Variants in L3MBTL4 observed in about 807,000 individuals in gnomAD.
L3MBTL4 encodes the protein lethal(3)malignant brain tumor-like protein 4.
L3MBTL4 carries 70 observed loss-of-function variants against 84.5 expected under a neutral mutation model. The ratio of observed to expected loss-of-function variants is 0.83; its 90% CI spans 0.68 to 1.01. L3MBTL4 has a LOEUF of 1.01. L3MBTL4 is among the 50% of genes least tolerant of loss of function. L3MBTL4 has a pLI of 0.00. For synonymous variants in L3MBTL4, 274 were observed against 259.8 expected, an observed-to-expected ratio of 1.05 and a Z score of -0.52; for missense variants, 715 against 754.8, an observed-to-expected ratio of 0.95 and a Z score of 0.62.
rs147457713 is a variant in L3MBTL4, at chr18:6,072,101, C to G, written c.1444+8780G>C. ...TACATATTTCAAAATGTTGAAGGGT[C>G]AATTGATTACTAATATTCTAATGTT... On this transcript the variant is annotated intron_variant, in intron 16 of 18. Coordinates refer to ENST00000317931, the MANE Select transcript of L3MBTL4 (RefSeq NM_001330559.2). Among the ~76,000 whole-genome samples the G allele has an allele frequency of 3.9e-3, 586 of 152,170 alleles. 4 individuals are homozygous for G. Among genetic ancestry groups the G allele is most frequent in the African/African-American group, 0.014 (571 of 41,532 alleles).
chr18:6,111,730 CAT>C (rs756092803), intron 14 of L3MBTL4, among the ~76,000 whole-genome samples: 3 of 151,760 alleles, frequency 2.0e-5, no homozygotes, highest in African/African-American at 7.3e-5. Context: ...GATGTATATA[CAT>C]ATATATATAT....
intron 14 of L3MBTL4, among the ~76,000 whole-genome samples, chr18:6,118,500 C>A (rs181994666): frequency 7.2e-5 from 11 of 152,256 alleles, no homozygotes; most frequent in Admixed American, 5.2e-4. Flanking sequence ...AGATCTTATA[C>A]CTAGCACAGT....
chr18:6,216,566 CTCT>C (rs1298844394), intron 10 of L3MBTL4, among the ~76,000 whole-genome samples: 1 of 152,000 alleles, frequency 6.6e-6, no homozygotes, highest in Non-Finnish European at 1.5e-5. Context: ...CCTCCTACAT[CTCT>C]TCAGTTTATT....
At chr18:6,152,062 C>A (rs1189852453) in intron 13 of L3MBTL4, among the ~76,000 whole-genome samples, 1 of 152,172 alleles carries the variant, frequency 6.6e-6, no homozygotes, top group Non-Finnish European at 1.5e-5. Flanking sequence ...GACAGGATTT[C>A]TTTCTTTTTA....
At chr18:6,316,969 T>C (rs1348307370) in intron 1 of L3MBTL4, among the ~76,000 whole-genome samples, 1 of 151,818 alleles carries the variant, frequency 6.6e-6, no homozygotes, top group South Asian at 2.1e-4. Context: ...GCTTTAACTA[T>C]TCAACCCAGT....
chr18:6,100,073 G>A (rs1439282675), intron 14 of L3MBTL4, among the ~76,000 whole-genome samples: 3 of 152,156 alleles, frequency 2.0e-5, no homozygotes, highest in Non-Finnish European at 4.4e-5. Flanking sequence ...TTGAGAATTA[G>A]AGAAAATTGG....
At chr18:6,017,221 G>A (rs1270001466) in intron 16 of L3MBTL4, among the ~76,000 whole-genome samples, 1 of 152,234 alleles carries the variant, frequency 6.6e-6, no homozygotes, top group Non-Finnish European at 1.5e-5. Flanking sequence ...AAAAGCTGAT[G>A]TTGAAAGAAA....
chr18:6,051,866 A>C (rs2071942331), intron 16 of L3MBTL4, among the ~76,000 whole-genome samples: 1 of 152,228 alleles, frequency 6.6e-6, no homozygotes, highest in South Asian at 2.1e-4. Context: ...TTGGCTTGGC[A>C]GGATGAGTGT....
chr18:6,266,392 G>T (rs79630553), intron 4 of L3MBTL4, among the ~76,000 whole-genome samples: 2 of 152,074 alleles, frequency 1.3e-5, no homozygotes, highest in African/African-American at 4.8e-5. Context: ...CATCCTTGGA[G>T]AATACTCATC....
At chr18:5,993,502 C>G (rs1246128034) in intron 16 of L3MBTL4, among the ~76,000 whole-genome samples, 2 of 152,178 alleles carry the variant, frequency 1.3e-5, no homozygotes, top group Admixed American at 6.5e-5. Flanking sequence ...TATTTCTGAA[C>G]TAAAATATGA....
chr18:6,234,027 T>G (rs1183427160), intron 10 of L3MBTL4, among the ~76,000 whole-genome samples: 1 of 152,080 alleles, frequency 6.6e-6, no homozygotes, highest in Non-Finnish European at 1.5e-5. Flanking sequence ...TCTACAACCA[T>G]CTGATCTTTG....
At chr18:6,158,907 G>T (rs1022109234) in intron 13 of L3MBTL4, among the ~76,000 whole-genome samples, 4 of 152,158 alleles carry the variant, frequency 2.6e-5, no homozygotes, top group Non-Finnish European at 4.4e-5. Flanking sequence ...ATACAGAGTG[G>T]CTTGGGGATT....
intron 12 of L3MBTL4, among the ~76,000 whole-genome samples, chr18:6,199,897 T>TGCAATACCCAG (rs2045576910): frequency 6.6e-6 from 1 of 152,218 alleles, no homozygotes; most frequent in African/African-American, 2.4e-5. Flanking sequence ...GGGCTCTCAC[T>TGCAATACCCAG]GCAATACCCA....
intron 1 of L3MBTL4, among the ~76,000 whole-genome samples, chr18:6,313,768 A>C (rs1402488970): frequency 6.6e-6 from 1 of 152,226 alleles, no homozygotes; most frequent in Non-Finnish European, 1.5e-5. Flanking sequence ...CAATTATCTC[A>C]ATAACCTTGA....
chr18:6,022,522 C>T (rs570964), intron 16 of L3MBTL4, among the ~76,000 whole-genome samples: 111,852 of 152,174 alleles, frequency 0.74, 41,539 homozygotes, highest in Non-Finnish European at 0.78. Flanking sequence ...CAGATTATAG[C>T]TGATGCTCTA....
intron 12 of L3MBTL4, among the ~76,000 whole-genome samples, chr18:6,177,610 A>C (rs1047727448): frequency 2.6e-5 from 4 of 152,232 alleles, no homozygotes; most frequent in Non-Finnish European, 5.9e-5. Context: ...TTTGCAAATT[A>C]CATCTCAATA....
At chr18:6,065,679 TG>T (rs1455483606) in intron 16 of L3MBTL4, among the ~76,000 whole-genome samples, 1 of 152,052 alleles carries the variant, frequency 6.6e-6, no homozygotes, top group East Asian at 1.9e-4. Flanking sequence ...TGTGTTTCTG[TG>T]GTATCAATTA....
At chr18:6,067,803 C>T (rs113328651) in intron 16 of L3MBTL4, among the ~76,000 whole-genome samples, 91 of 152,190 alleles carry the variant, frequency 6.0e-4, no homozygotes, top group Non-Finnish European at 9.3e-4. Context: ...AAGATTTAAT[C>T]TTGGTTTGGA....
intron 12 of L3MBTL4, among the ~76,000 whole-genome samples, chr18:6,175,453 G>T (rs555101701): frequency 6.6e-6 from 1 of 152,174 alleles, no homozygotes; most frequent in Non-Finnish European, 1.5e-5. Context: ...TCAGGCTGAT[G>T]CTAAGTGATG....
Sources: gnomAD v4.1 joint callset for allele counts (sites outside exome capture counted in the v4.1 genomes callset) on GRCh38, gnomAD v4.1.1 for gene constraint, MANE v1.5 for transcripts, NCBI Gene and HGNC (gene_info 2026-07-23, HGNC 2026-07-21) for gene names.